ACYP2: variants seen among roughly 807,000 people sequenced by gnomAD.
ACYP2 encodes acylphosphatase-2.
A neutral mutation model predicts 11.2 loss-of-function variants in ACYP2; 12 were observed. That is an observed-to-expected ratio of 1.08 (90% CI 0.69 to 1.74). The LOEUF (loss-of-function observed/expected upper bound fraction) is 1.74, where lower values mean the gene tolerates loss of function less well. ACYP2 is among the 40% of genes most tolerant of loss of function. The pLI, the probability that ACYP2 is intolerant of heterozygous loss-of-function variation, is 0.00. For missense variants in ACYP2, 134 were observed against 101.9 expected, an observed-to-expected ratio of 1.31 and a Z score of -1.35; for synonymous variants, 43 against 32.2, an observed-to-expected ratio of 1.33 and a Z score of -1.13.
intron 4 of ACYP2, among the ~76,000 whole-genome samples, chr2:54,097,275 G>A (rs1678643986): frequency 2.0e-5 from 3 of 152,136 alleles, no homozygotes; most frequent in Admixed American, 1.3e-4. Flanking sequence ...CTATGTCTAT[G>A]GTTTGTTGTC....
chr2:54,234,774 A>C (rs1441674769), intron 6 of ACYP2, among the ~76,000 whole-genome samples: 3 of 152,218 alleles, frequency 2.0e-5, no homozygotes, highest in African/African-American at 7.2e-5. Context: ...TGAGTTATCC[A>C]TTTGTACACT....
intron 4 of ACYP2, among the ~76,000 whole-genome samples, chr2:54,119,964 A>G (rs908684808): frequency 3.3e-5 from 5 of 152,168 alleles, no homozygotes; most frequent in Non-Finnish European, 5.9e-5. Flanking sequence ...ATGCTCCCCA[A>G]TTGGGATTTG....
At chr2:53,973,263 A>G (rs139786292) in intron 1 of ACYP2, among the ~76,000 whole-genome samples, 280 of 152,300 alleles carry the variant, frequency 1.8e-3, no homozygotes, top group Middle Eastern at 3.4e-3. Flanking sequence ...ACAAATGGGA[A>G]GTGAATAAAT....
intron 6 of ACYP2, among the ~76,000 whole-genome samples, chr2:54,204,995 G>C (rs940245870): frequency 1.3e-5 from 2 of 152,062 alleles, no homozygotes; most frequent in Non-Finnish European, 2.9e-5. Context: ...TTCTCCTTGA[G>C]TTTTCGTAGT....
intron 6 of ACYP2, among the ~76,000 whole-genome samples, chr2:54,251,683 C>T (rs1195503874): frequency 6.6e-6 from 1 of 152,110 alleles, no homozygotes; most frequent in Admixed American, 6.5e-5. Flanking sequence ...AATGTCTTTC[C>T]AAGGCAGCCT....
intron 2 of ACYP2, among the ~76,000 whole-genome samples, chr2:54,039,258 A>ATTTTTTTTTTT (rs112626580): frequency 7.5e-6 from 1 of 133,326 alleles, no homozygotes; most frequent in African/African-American, 2.8e-5. Context: ...TCGTGCTTTA[A>ATTTTTTTTTTT]TTTTTTTTTT....
intron 4 of ACYP2, among the ~76,000 whole-genome samples, chr2:54,102,638 CAAAAAAAAAAAAAAAAAAAAAAAAAA>C (rs58842257): frequency 3.6e-5 from 3 of 83,298 alleles, no homozygotes; most frequent in African/African-American, 1.2e-4. Context: ...TGGCTTAAGC[CAAAAAAAAAAAAAAAAAAAAAAAAAA>C]AAAAAAAAAA....
intron 5 of ACYP2, among the ~76,000 whole-genome samples, chr2:54,136,409 G>A (rs1373351045): frequency 6.6e-6 from 1 of 151,928 alleles, no homozygotes; most frequent in Non-Finnish European, 1.5e-5. Flanking sequence ...ATCTGAGGTG[G>A]GTCACTAGAT....
chr2:54,197,935 A>ATGTTTGTATTGTAT (rs1684566823), intron 6 of ACYP2, among the ~76,000 whole-genome samples: 2 of 130,898 alleles, frequency 1.5e-5, no homozygotes, highest in Non-Finnish European at 3.5e-5. Context: ...TTATTTATGT[A>ATGTTTGTATTGTAT]TGTATTATAT....
intron 2 of ACYP2, among the ~76,000 whole-genome samples, chr2:54,037,559 C>T (rs1674975934): frequency 6.6e-6 from 1 of 152,018 alleles, no homozygotes; most frequent in African/African-American, 2.4e-5. Context: ...CACAGTGAAC[C>T]CCTATGCCTA....
chr2:54,114,805 T>G (rs1679659197), intron 4 of ACYP2, among the ~76,000 whole-genome samples: 1 of 151,138 alleles, frequency 6.6e-6, no homozygotes, highest in Non-Finnish European at 1.5e-5. Context: ...AAAAAGTTTC[T>G]TATCCCAGAA....
chr2:54,029,761 G>T, intron 2 of ACYP2: 1 of 596,778 alleles, frequency 1.7e-6, no homozygotes, highest in Non-Finnish European at 3.2e-6. Context: ...GCATGCTGGG[G>T]AACATTGTAG....
chr2:54,070,610 C>G lies in ACYP2; in HGVS notation c.277+13250C>G, dbSNP rs79052086. Among the ~76,000 whole-genome samples the G allele has an allele frequency of 7.2e-3, 1,098 of 152,284 alleles. 52 individuals are homozygous for G. In the East Asian group the frequency reaches 0.11, roughly 16 times the overall value. ...ATTGGTGATCACTGCACCAATTCAG[C>G]CCTCTGTGTTCCAGGGAAACCCTTC... On this transcript the variant is annotated intron_variant, in intron 4 of 6. Coordinates refer to ENST00000607452, the MANE Select transcript of ACYP2 (RefSeq NM_001320586.2).
At chr2:54,177,909 T>C (rs1245556076) in intron 6 of ACYP2, among the ~76,000 whole-genome samples, 286 of 142,766 alleles carry the variant, frequency 2.0e-3, no homozygotes, top group African/African-American at 7.5e-3. Flanking sequence ...TTCTTTATTT[T>C]TTTTTTTTTT....
chr2:53,995,704 C>T (rs1248068124), intron 2 of ACYP2, among the ~76,000 whole-genome samples: 1 of 151,794 alleles, frequency 6.6e-6, no homozygotes, highest in Non-Finnish European at 1.5e-5. Flanking sequence ...CTGTCTGCCT[C>T]GGCCTCCCAA....
At chr2:54,176,910 C>A (rs757780771) in intron 6 of ACYP2, among the ~76,000 whole-genome samples, 2 of 152,164 alleles carry the variant, frequency 1.3e-5, no homozygotes, top group Non-Finnish European at 2.9e-5. Flanking sequence ...TCTGTTGCAA[C>A]TGCATTACAG....
intron 4 of ACYP2, among the ~76,000 whole-genome samples, chr2:54,091,576 A>T (rs1364627315): frequency 6.6e-6 from 1 of 151,632 alleles, no homozygotes; most frequent in Non-Finnish European, 1.5e-5. Flanking sequence ...TGGTGGCACG[A>T]TCTCGGCTCA....
At chr2:54,279,943 T>C (rs1688771580) in intron 6 of ACYP2, among the ~76,000 whole-genome samples, 3 of 152,218 alleles carry the variant, frequency 2.0e-5, no homozygotes, top group Admixed American at 2.0e-4. Flanking sequence ...TTGGATTTGC[T>C]ATCTTATCTT....
At chr2:54,240,175 T>C (rs1235576120) in intron 6 of ACYP2, among the ~76,000 whole-genome samples, 1 of 152,154 alleles carries the variant, frequency 6.6e-6, no homozygotes, top group East Asian at 1.9e-4. Flanking sequence ...AGAATGCCCA[T>C]AGAGTCTGTA....
Sources: allele counts gnomAD v4.1 joint callset (sites outside exome capture counted in the v4.1 genomes callset), GRCh38; gene constraint gnomAD v4.1.1; transcripts MANE v1.5; gene names NCBI Gene and HGNC (gene_info 2026-07-23, HGNC 2026-07-21).